ZNF605: variants seen among roughly 807,000 people sequenced by gnomAD.
The protein encoded by ZNF605 is zinc finger protein 605.
In ZNF605, 9 loss-of-function variants were observed where a neutral mutation model predicts 7.9. That is an observed-to-expected ratio of 1.14 (90% CI 0.68 to 1.98). ZNF605 has a LOEUF of 1.98. Among genes scored for constraint, ZNF605 ranks in the 30% most tolerant of loss-of-function variants. The pLI, the probability that ZNF605 is intolerant of heterozygous loss-of-function variation, is 0.00. For synonymous variants in ZNF605, 255 were observed against 260.1 expected, an observed-to-expected ratio of 0.98 and a Z score of 0.19; for missense variants, 673 against 762.4, an observed-to-expected ratio of 0.88 and a Z score of 1.38.
rs949116977 is a variant in ZNF605 at position 132,941,676 on chromosome 12, G to A, written c.15+3945C>T. Among the ~76,000 whole-genome samples the A allele has an allele frequency of 1.3e-5, 2 of 152,240 alleles. No individual in the cohort carries two copies. The highest frequency in any genetic ancestry group is 6.5e-5 in the Admixed American group (1 of 15,282). ...CCGCAGCCTGGACTACGCAGCTCAG[G>A]CAAGCGACCTCAGGCCTCACGCAGC... is the stretch of plus-strand genomic sequence containing the variant. On this transcript the variant is annotated intron_variant, in intron 3 of 4. Transcript: ENST00000360187. The surrounding 1 kb of genome is among the most constrained non-coding windows in gnomAD (Gnocchi z 5.1).
At chr12:132,947,868 T>C (rs1952510482) in intron 2 of ZNF605, among the ~76,000 whole-genome samples, 1 of 151,950 alleles carries the variant, frequency 6.6e-6, no homozygotes, top group African/African-American at 2.4e-5. Flanking sequence ...CTCCAAACTT[T>C]TGGAGCCCTT....
chr12:132,951,984 TCACA>T (rs1194822385), intron 1 of ZNF605, among the ~76,000 whole-genome samples: 3 of 150,886 alleles, frequency 2.0e-5, no homozygotes, highest in East Asian at 3.9e-4. Context: ...TTCACACACA[TCACA>T]CACACACAGT....
At chr12:132,951,821 T>C (rs970921841) in intron 1 of ZNF605, among the ~76,000 whole-genome samples, 4 of 150,982 alleles carry the variant, frequency 2.6e-5, no homozygotes, top group South Asian at 4.2e-4. Flanking sequence ...CACATACACA[T>C]ACACCACACA....
At chr12:132,951,394 ATACG>A (rs61727425) in intron 1 of ZNF605, among the ~76,000 whole-genome samples, 24,213 of 151,442 alleles carry the variant, frequency 0.16, 3,140 homozygotes, top group East Asian at 0.52. Context: ...GTACACACAG[ATACG>A]TACATCACAC....
chr12:132,927,009 G>A lies in ZNF605; in HGVS notation c.290C>T (p.Thr97Ile). The A allele has an allele frequency of 6.2e-7, 1 of 1,611,164 alleles. No individual in the cohort carries two copies. Among genetic ancestry groups the A allele is most frequent in the Non-Finnish European group, 8.5e-7 (1 of 1,179,830 alleles). ...HVGLRSHKCG[T>I]GEKSLKCPFD... ...AGGACATTTCAAACTTTTTTCTCCT[G>A]TGCCACATTTATGGGATCGCAGTCC... is the stretch of plus-strand genomic sequence containing the variant. The change falls in exon 5 of 5, where the codon ACA becomes ATA. Residue 97 changes from threonine (T) to isoleucine (I), a missense_variant. Transcript: ENST00000360187.
intron 2 of ZNF605, among the ~76,000 whole-genome samples, chr12:132,947,276 A>G (rs1387386862): frequency 6.6e-6 from 1 of 151,754 alleles, no homozygotes; most frequent in Admixed American, 6.6e-5. Context: ...CAGCCTCCCA[A>G]AGTGCTGGGA....
chr12:132,951,045 C>G (rs372600040), intron 1 of ZNF605, among the ~76,000 whole-genome samples: 4 of 143,960 alleles, frequency 2.8e-5, no homozygotes, highest in Non-Finnish European at 3.1e-5. Context: ...GACATGTACA[C>G]ACAGATACAT....
At chr12:132,938,023 C>T (rs1350638589) in intron 3 of ZNF605, among the ~76,000 whole-genome samples, 1 of 152,246 alleles carries the variant, frequency 6.6e-6, no homozygotes, top group Non-Finnish European at 1.5e-5. Flanking sequence ...CTCTGTCGCC[C>T]AGGCTGGAGT....
Position 132,926,733 on chromosome 12 carries a change from C to G in ZNF605, c.566G>C (p.Arg189Thr). 6.2e-7 allele frequency: 1 copy of G among 1,614,086 alleles called. No homozygotes were observed. The highest frequency in any genetic ancestry group is 8.5e-7 in the Non-Finnish European group (1 of 1,179,948). ...NKKSQLVIHQ[R>T]THTGEKPYQC... ...ATAGGGCTTCTCTCCTGTATGAGTT[C>G]TCTGGTGTATAACAAGTTGTGACTT... Residue 189 changes from arginine to threonine, a missense_variant, in exon 5 of 5, where the codon AGA (arginine) becomes ACA (threonine). By Grantham distance (71) the Arg-to-Thr change is moderately conservative. Transcript: ENST00000360187.
chr12:132,926,427 G>C lies in ZNF605; in HGVS notation c.872C>G (p.Ser291Cys). 6.2e-7 allele frequency: 1 copy of C among 1,613,876 alleles called. No homozygotes were observed. Among genetic ancestry groups the C allele is most frequent in the Non-Finnish European group, 8.5e-7 (1 of 1,179,962 alleles). The change falls in exon 5 of 5, where the codon TCC (serine) becomes TGC (cysteine). Residue 291 changes from serine to cysteine, a missense_variant. Transcript: ENST00000360187. ...ATGTGTGATGAGTTTTAATTTCTGG[G>C]AGAATGCTTTCCCACACTCACTGCA... ...YSCSECGKAF[S>C]QKLKLITHQR...
At chr12:132,932,537 G>T (rs1272449998) in intron 4 of ZNF605, among the ~76,000 whole-genome samples, 3 of 152,112 alleles carry the variant, frequency 2.0e-5, no homozygotes, top group Non-Finnish European at 4.4e-5. Context: ...ATCCCGATGT[G>T]GAGACCAGGT....
At chr12:132,950,981 A>G (rs1265665044) in intron 1 of ZNF605, among the ~76,000 whole-genome samples, 1 of 151,824 alleles carries the variant, frequency 6.6e-6, no homozygotes, top group African/African-American at 2.4e-5. Flanking sequence ...ACACTGATAC[A>G]CATGTACATC....
intron 1 of ZNF605, among the ~76,000 whole-genome samples, chr12:132,949,220 G>A (rs866706461): frequency 6.6e-6 from 1 of 152,282 alleles, no homozygotes; most frequent in South Asian, 2.1e-4. Context: ...GAAGCCAGAC[G>A]TGCAGGCTCC....
chr12:132,925,489 G>A lies in ZNF605; in HGVS notation c.1810C>T (p.Leu604Phe). The A allele has an allele frequency of 6.2e-7, 1 of 1,614,070 alleles. No individual in the cohort carries two copies. The highest frequency in any genetic ancestry group is 8.5e-7 in the Non-Finnish European group (1 of 1,180,020). Residue 604 changes from leucine to phenylalanine, a missense_variant, in exon 5 of 5, where the codon CTT (leucine) becomes TTT (phenylalanine). Physicochemically the swap from Leu to Phe is conservative, Grantham distance 22. Transcript: ENST00000360187. ...CGKSFTRKSHLMRHQRIHTGD... is the reference protein window; with the variant it reads ...CGKSFTRKSHFMRHQRIHTGD... The stretch of plus-strand genomic sequence containing the variant: ...GTATGAATCCTCTGATGCCTCATAA[G>A]GTGTGACTTTCTTGTGAAAGATTTC...
At chr12:132,932,646 G>A in intron 4 of ZNF605, 1 of 1,012,974 alleles carries the variant, frequency 9.9e-7, no homozygotes, top group Non-Finnish European at 1.4e-6. Context: ...CTTTAAAAGT[G>A]CCCACCTGTC....
At chr12:132,954,810 A>G (rs1046879752) in intron 1 of ZNF605, among the ~76,000 whole-genome samples, 49 of 152,112 alleles carry the variant, frequency 3.2e-4, no homozygotes, top group African/African-American at 1.1e-3. Context: ...CAATGACGCC[A>G]AGTATGACCC....
intron 1 of ZNF605, among the ~76,000 whole-genome samples, chr12:132,955,039 G>A (rs1404349524): frequency 6.6e-6 from 1 of 152,134 alleles, no homozygotes; most frequent in Non-Finnish European, 1.5e-5. Flanking sequence ...TTATTCAGCT[G>A]TCAAATAAAA....
Position 132,943,370 on chromosome 12 carries a change from A to C in ZNF605, c.15+2251T>G, listed in dbSNP as rs1172368768. Among the ~76,000 whole-genome samples the C allele has an allele frequency of 1.8e-4, 27 of 151,812 alleles. 1 individual carries two copies. Among genetic ancestry groups the C allele is most frequent in the Non-Finnish European group, 2.9e-4 (20 of 67,918 alleles). The stretch of plus-strand genomic sequence containing the variant: ...CGAGACTCCATCTCAAAAAAAAAAA[A>C]AACAAAAAAAACCTGTAGTGCATGT... On this transcript the variant is annotated intron_variant, in intron 3 of 4. Transcript: ENST00000360187.
rs986605059 is a variant in ZNF605, at chr12:132,933,331, T to C, written c.16-176A>G. Among the ~76,000 whole-genome samples, 6 of 152,204 alleles carry C rather than the reference T, an allele frequency of 3.9e-5. No homozygotes were observed. Among genetic ancestry groups the C allele is most frequent in the East Asian group, 3.8e-4 (2 of 5,206 alleles). On this transcript the variant is annotated intron_variant, in intron 3 of 4. Transcript: ENST00000360187. This position sits in a 1 kb window ranked among gnomAD's most constrained non-coding sequence, Gnocchi z 4.4. ...ACCGTGGGCTGGACTCACTGACTCATTGTCCTGAACAGAACAGGGAAACAT... is the reference window on the plus strand; with the variant it reads ...ACCGTGGGCTGGACTCACTGACTCACTGTCCTGAACAGAACAGGGAAACAT...
Sources: gnomAD v4.1 joint callset for allele counts (sites outside exome capture counted in the v4.1 genomes callset) on GRCh38, gnomAD v4.1.1 for gene constraint, Gnocchi (gnomAD v3.1) non-coding constraint, MANE v1.5 for transcripts, NCBI Gene and HGNC (gene_info 2026-07-23, HGNC 2026-07-21) for gene names.